RCOR3: variants seen among roughly 807,000 people sequenced by gnomAD.
The protein encoded by RCOR3 is REST corepressor 3.
In RCOR3, 13 loss-of-function variants were observed where a neutral mutation model predicts 64.1. That is an observed-to-expected ratio of 0.20 (90% CI 0.13 to 0.32). The LOEUF (loss-of-function observed/expected upper bound fraction) is 0.32, where lower values mean the gene tolerates loss of function less well. Ranked by LOEUF, RCOR3 falls within the 10% of genes least tolerant of loss-of-function variation. The pLI, the probability that RCOR3 is intolerant of heterozygous loss-of-function variation, is 1.00. For synonymous variants in RCOR3, 215 were observed against 239.0 expected (o/e 0.90, Z 0.93); for missense variants, 489 against 701.2 (o/e 0.70, Z 3.42).
chr1:211,259,397 G>A lies in RCOR3; in HGVS notation c.-164G>A. 3.2e-6 allele frequency: 2 copies of A among 622,154 alleles called. No homozygotes were observed. The highest frequency in any genetic ancestry group is 5.4e-6 in the Non-Finnish European group (2 of 370,542). The allele number at this position is 622,154 out of a possible 1,614,324, so 38.5% of individuals were successfully genotyped here. On this transcript the variant is annotated 5_prime_UTR_variant, in exon 1 of 12. Transcript: ENST00000419091. ...GTGAGGCGACTGCGCTACTGCCGGA[G>A]CGGGGCGGTTATGGCGGCTCCATAT...
chr1:211,315,022 T>G lies in RCOR3; in HGVS notation c.*1254T>G, dbSNP rs1701793875. ...TATAGAAAAACAAAAAGACATCAAGTCTTCTTAATTCAACCCATAATCATT... is the reference window on the plus strand; with the variant it reads ...TATAGAAAAACAAAAAGACATCAAGGCTTCTTAATTCAACCCATAATCATT... On this transcript the variant is annotated 3_prime_UTR_variant, in exon 12 of 12. Coordinates refer to ENST00000419091, the MANE Select transcript of RCOR3 (RefSeq NM_001136223.3). The G allele has an allele frequency of 6.6e-6, 1 of 152,192 alleles. No homozygotes were observed. Among genetic ancestry groups the G allele is most frequent in the Non-Finnish European group, 1.5e-5 (1 of 68,026 alleles). 9.4% of individuals were successfully genotyped at this position (152,192 alleles called of 1,614,324 possible).
At chr1:211,287,010 A>C (rs1698635711) in intron 7 of RCOR3, among the ~76,000 whole-genome samples, 1 of 152,168 alleles carries the variant, frequency 6.6e-6, no homozygotes. Context: ...GCATTGTTCT[A>C]GAGAGGATTT....
chr1:211,283,873 AT>A (rs1698167683), intron 7 of RCOR3, among the ~76,000 whole-genome samples: 1 of 150,524 alleles, frequency 6.6e-6, no homozygotes, highest in Non-Finnish European at 1.5e-5. Flanking sequence ...AAGACTGAAT[AT>A]AAAAAGTTTT....
rs1267918630 is a variant in RCOR3 at position 211,259,859 on chromosome 1, C to T, written c.166+133C>T. The T allele has an allele frequency of 9.0e-6, 10 of 1,117,218 alleles. No individual in the cohort carries two copies. In the African/African-American group the frequency reaches 1.1e-4, roughly 12 times the overall value. 69.2% of individuals were successfully genotyped at this position (1,117,218 alleles called of 1,614,324 possible). A position where few individuals can be genotyped will look rare whatever the true frequency, so the allele number is the denominator to read the frequency against. On this transcript the variant is annotated intron_variant, in intron 1 of 11. Transcript: ENST00000419091. The stretch of plus-strand genomic sequence containing the variant: ...GGGCGCTGCGGTAGCCTCGAACTCC[C>T]GGTGCAGTGCAGCAGCACCCCCGCG...
At chr1:211,285,411 G>A (rs1698398228) in intron 7 of RCOR3, among the ~76,000 whole-genome samples, 1 of 152,152 alleles carries the variant, frequency 6.6e-6, no homozygotes, top group Non-Finnish European at 1.5e-5. Context: ...TTGCCATAAT[G>A]GCTGGTTTCC....
rs116838453 is a variant in RCOR3, at chr1:211,287,487, A to G, written c.721-1691A>G. Among the ~76,000 whole-genome samples, 1,451 of 152,338 alleles carry G rather than the reference A, an allele frequency of 9.5e-3. 11 individuals are homozygous for G. The highest frequency in any genetic ancestry group is 0.016 in the Non-Finnish European group (1,059 of 68,030). ...AAAAGACTTTAAAAAATGTTTGATC[A>G]GCAATTTTAGTAGTGCCCTACTGGG... On this transcript the variant is annotated intron_variant, in intron 7 of 11. Coordinates refer to ENST00000419091, the MANE Select transcript of RCOR3 (RefSeq NM_001136223.3).
In RCOR3 at chr1:211,283,785, A is replaced by G. The variant is rs961192817; in HGVS notation, c.720+4469A>G. Among the ~76,000 whole-genome samples the G allele has an allele frequency of 4.0e-5, 6 of 150,280 alleles. No individual in the cohort carries two copies. The South Asian group carries it at 8.4e-4, about 21-fold the overall frequency. ...CATGCTCCCAAGTAGCTGGGATTGC[A>G]GACGTGAGCCAGCATGCCTGGCTTG... On this transcript the variant is annotated intron_variant, in intron 7 of 11. Coordinates refer to ENST00000419091, the MANE Select transcript of RCOR3 (RefSeq NM_001136223.3).
At chr1:211,277,530 T>A (rs966529951) in intron 5 of RCOR3, among the ~76,000 whole-genome samples, 1 of 152,200 alleles carries the variant, frequency 6.6e-6, no homozygotes, top group African/African-American at 2.4e-5. Context: ...AGCTTTTCTT[T>A]AAAACATCTT....
At chr1:211,302,617 A>G (rs1405129531) in intron 9 of RCOR3, 1 of 152,250 alleles carries the variant, frequency 6.6e-6, no homozygotes, top group Non-Finnish European at 1.5e-5. Context: ...ACTAATTTCT[A>G]CAGGTTTTAG....
At chr1:211,290,552 A>AT (rs895561491) in intron 8 of RCOR3, among the ~76,000 whole-genome samples, 1 of 151,352 alleles carries the variant, frequency 6.6e-6, no homozygotes, top group African/African-American at 2.4e-5. Flanking sequence ...TTTTATTTTA[A>AT]TTTTTTGTAG....
rs949353036 is a variant in RCOR3 at position 211,290,968 on chromosome 1, T to G, written c.939+1572T>G. Among the ~76,000 whole-genome samples the G allele has an allele frequency of 7.6e-5, 11 of 144,684 alleles. No homozygotes were observed. The East Asian group carries it at 7.8e-4, about 10-fold the overall frequency. 94.9% of individuals were successfully genotyped at this position (144,684 alleles called of 152,430 possible). A position where few individuals can be genotyped will look rare whatever the true frequency, so the allele number is the denominator to read the frequency against. ...TCTTTTGCATTTTCTTGTTTGTTTG[T>G]TTGGTTTTTTTTTTGCTTTTATAGT... On this transcript the variant is annotated intron_variant, in intron 8 of 11. Coordinates refer to ENST00000419091, the MANE Select transcript of RCOR3 (RefSeq NM_001136223.3).
At chr1:211,259,813 C>G in intron 1 of RCOR3, 87 bp downstream of exon 1, 1 of 1,205,804 alleles carries the variant, frequency 8.3e-7, no homozygotes, top group Non-Finnish European at 1.1e-6. Context: ...CGCTCTCCCG[C>G]CCTCCCTCCC....
chr1:211,272,583 G>A (rs1696360459), intron 3 of RCOR3, among the ~76,000 whole-genome samples: 1 of 140,328 alleles, frequency 7.1e-6, no homozygotes, highest in African/African-American at 2.7e-5. Context: ...TTAAGTTAGA[G>A]GCTTCAAGGG....
intron 8 of RCOR3, among the ~76,000 whole-genome samples, chr1:211,295,305 G>T (rs1391519051): frequency 1.3e-5 from 2 of 152,036 alleles, no homozygotes; most frequent in African/African-American, 4.8e-5. Context: ...TCTAATAAAT[G>T]TTAGCTACCA....
In RCOR3 at chr1:211,259,494, A is replaced by C. The variant is rs1693784805; in HGVS notation, c.-67A>C. On this transcript the variant is annotated 5_prime_UTR_variant, in exon 1 of 12. Transcript: ENST00000419091. ...CTCCTTTCCCTCCCGCCCGCGCTCT[A>C]AGCCATCTCCGCCTTCACCCTGACG... is the stretch of plus-strand genomic sequence containing the variant. The C allele has an allele frequency of 6.8e-7, 1 of 1,479,294 alleles. No individual in the cohort carries two copies. Among genetic ancestry groups the C allele is most frequent in the African/African-American group, 1.5e-5 (1 of 68,302 alleles). 91.6% of individuals were successfully genotyped at this position (1,479,294 alleles called of 1,614,324 possible). A position where few individuals can be genotyped will look rare whatever the true frequency, so the allele number is the denominator to read the frequency against.
At chr1:211,280,812 C>T (rs1209879420) in intron 7 of RCOR3, among the ~76,000 whole-genome samples, 9 of 151,948 alleles carry the variant, frequency 5.9e-5, no homozygotes, top group Admixed American at 2.0e-4. Context: ...GGAGAAACCC[C>T]GTCTCTACTA....
At chr1:211,310,279 C>G (rs1701348590) in intron 10 of RCOR3, among the ~76,000 whole-genome samples, 1 of 152,164 alleles carries the variant, frequency 6.6e-6, no homozygotes, top group African/African-American at 2.4e-5. Flanking sequence ...GGAGCTCTAG[C>G]TATTCCAGAC....
intron 5 of RCOR3, among the ~76,000 whole-genome samples, chr1:211,277,500 A>G (rs1697185176): frequency 6.6e-6 from 1 of 152,192 alleles, no homozygotes; most frequent in South Asian, 2.1e-4. Flanking sequence ...TTATTCAGAA[A>G]AATTTGTTAA....
intron 2 of RCOR3, among the ~76,000 whole-genome samples, chr1:211,268,430 AGTG>A: frequency 7.6e-6 from 1 of 131,628 alleles, no homozygotes; most frequent in East Asian, 2.2e-4. Context: ...CCCAGGCTGG[AGTG>A]CAATGGTGTG....
Sources: allele counts gnomAD v4.1 joint callset (sites outside exome capture counted in the v4.1 genomes callset), GRCh38; gene constraint gnomAD v4.1.1; transcripts MANE v1.5; gene names NCBI Gene and HGNC (gene_info 2026-07-23, HGNC 2026-07-21).